The following BBS9 variants were observed in gnomAD, a reference collection of about 807,000 sequenced individuals.
BBS9 encodes the protein protein PTHB1.
BBS9 carries 89 observed loss-of-function variants against 117.7 expected under a neutral mutation model. That is an observed-to-expected ratio of 0.76 (90% CI 0.64 to 0.90). The LOEUF is 0.90. Ranked by LOEUF, BBS9 falls within the 40% of genes least tolerant of loss-of-function variation. BBS9 has a pLI of 0.00. For synonymous variants in BBS9, 379 were observed against 370.9 expected (o/e 1.02, Z -0.25); for missense variants, 982 against 1,042.2 (o/e 0.94, Z 0.80).
intron 13 of BBS9, chr7:33,349,411 G>C: frequency 1.9e-6 from 1 of 521,860 alleles, no homozygotes; most frequent in Non-Finnish European, 3.7e-6. Context: ...TTCTGAACTT[G>C]TTGGACCTAT....
At chr7:33,434,769 A>C (rs1835053903) in intron 19 of BBS9, among the ~76,000 whole-genome samples, 1 of 152,208 alleles carries the variant, frequency 6.6e-6, no homozygotes. Context: ...GTTATGTTTG[A>C]AATAACATAC....
chr7:33,587,647 A>C (rs1861152848), intron 21 of BBS9, among the ~76,000 whole-genome samples: 1 of 152,106 alleles, frequency 6.6e-6, no homozygotes, highest in Admixed American at 6.6e-5. Flanking sequence ...ATTGCAAGGG[A>C]GTCTTAGTAC....
chr7:33,419,663 A>T (rs1832561419), intron 19 of BBS9, among the ~76,000 whole-genome samples: 1 of 152,196 alleles, frequency 6.6e-6, no homozygotes, highest in Non-Finnish European at 1.5e-5. Flanking sequence ...TAAGTAGGAA[A>T]TGAAATTTCC....
chr7:33,192,212 T>G (rs973686792), intron 5 of BBS9, among the ~76,000 whole-genome samples: 3 of 152,206 alleles, frequency 2.0e-5, no homozygotes, highest in African/African-American at 7.2e-5. Flanking sequence ...GGAAAAGCCT[T>G]TACTTTATAT....
chr7:33,331,093 A>G (rs1336916260), intron 9 of BBS9, among the ~76,000 whole-genome samples: 1 of 152,222 alleles, frequency 6.6e-6, no homozygotes, highest in Non-Finnish European at 1.5e-5. Flanking sequence ...GTTTCATTCC[A>G]GGGATGCAGG....
chr7:33,509,491 T>C (rs190246435), intron 20 of BBS9, among the ~76,000 whole-genome samples: 5 of 152,170 alleles, frequency 3.3e-5, no homozygotes, highest in African/African-American at 1.2e-4. Flanking sequence ...GAAGTTATTA[T>C]GATACCACAA....
chr7:33,568,387 G>T (rs934279311), intron 21 of BBS9, among the ~76,000 whole-genome samples: 8 of 152,062 alleles, frequency 5.3e-5, no homozygotes, highest in Non-Finnish European at 1.2e-4. Flanking sequence ...CCAGAGTTTT[G>T]TGTTTTCTCC....
At chr7:33,608,497 G>A (rs998962459), downstream of BBS9, among the ~76,000 whole-genome samples, 2 of 152,012 alleles carry the variant, frequency 1.3e-5, no homozygotes, top group Admixed American at 1.3e-4. Flanking sequence ...TACATTTCCA[G>A]CAAAAGTGTA....
At chr7:33,218,158 T>G (rs973559039) in intron 5 of BBS9, among the ~76,000 whole-genome samples, 2 of 152,228 alleles carry the variant, frequency 1.3e-5, no homozygotes, top group Non-Finnish European at 2.9e-5. Flanking sequence ...ATTTTTCCTT[T>G]TACAAGTGTT....
chr7:33,364,928 T>C (rs1821381352), intron 16 of BBS9, among the ~76,000 whole-genome samples: 1 of 151,318 alleles, frequency 6.6e-6, no homozygotes, highest in South Asian at 2.1e-4. Context: ...AAGGTTTCAC[T>C]TTGTTACCCA....
At chr7:33,316,052 T>G (rs575399029) in intron 9 of BBS9, among the ~76,000 whole-genome samples, 3 of 152,318 alleles carry the variant, frequency 2.0e-5, no homozygotes, top group Admixed American at 6.5e-5. Context: ...CACACGTCTC[T>G]CAAGTTATAG....
intron 20 of BBS9, among the ~76,000 whole-genome samples, chr7:33,530,101 CA>C (rs1850339121): frequency 6.6e-6 from 1 of 152,176 alleles, no homozygotes; most frequent in Non-Finnish European, 1.5e-5. Context: ...TGAATTATCA[CA>C]TTGTATTTTT....
intron 19 of BBS9, among the ~76,000 whole-genome samples, chr7:33,502,778 A>G (rs1003935307): frequency 1.3e-5 from 2 of 152,212 alleles, no homozygotes; most frequent in African/African-American, 4.8e-5. Flanking sequence ...AACAAAATTT[A>G]GAGTGAGACA....
chr7:33,194,900 G>A (rs1033472689), intron 5 of BBS9, among the ~76,000 whole-genome samples: 1 of 152,070 alleles, frequency 6.6e-6, no homozygotes, highest in African/African-American at 2.4e-5. Context: ...TTGTGGTATT[G>A]CATTTAGCCC....
chr7:33,497,970 A>G (rs561077938), intron 19 of BBS9, among the ~76,000 whole-genome samples: 1 of 152,316 alleles, frequency 6.6e-6, no homozygotes, highest in Non-Finnish European at 1.5e-5. Context: ...AATGAGCCCT[A>G]AACTATAGAA....
At chr7:33,496,691 T>G (rs1215397175) in intron 19 of BBS9, among the ~76,000 whole-genome samples, 3 of 152,136 alleles carry the variant, frequency 2.0e-5, no homozygotes, top group Non-Finnish European at 4.4e-5. Flanking sequence ...TGCTATGCCT[T>G]CAAAGTAAAA....
At chr7:33,582,155 A>C (rs1860063525) in intron 21 of BBS9, among the ~76,000 whole-genome samples, 1 of 152,060 alleles carries the variant, frequency 6.6e-6, no homozygotes, top group African/African-American at 2.4e-5. Context: ...TCCTTGAGTT[A>C]TCTCAGTCAG....
chr7:33,576,168 GC>G (rs1330964547), intron 21 of BBS9, among the ~76,000 whole-genome samples: 3 of 152,160 alleles, frequency 2.0e-5, no homozygotes, highest in Admixed American at 2.0e-4. Context: ...TGTCATCTCA[GC>G]CCAAAATCTC....
intron 20 of BBS9, among the ~76,000 whole-genome samples, chr7:33,529,934 C>T (rs1475037274): frequency 6.6e-6 from 1 of 152,038 alleles, no homozygotes; most frequent in African/African-American, 2.4e-5. Context: ...GAACATTAGC[C>T]TTACCAATTT....
Sources: gnomAD v4.1 joint callset for allele counts (sites outside exome capture counted in the v4.1 genomes callset) on GRCh38, gnomAD v4.1.1 for gene constraint, MANE v1.5 for transcripts, NCBI Gene and HGNC (gene_info 2026-07-23, HGNC 2026-07-21) for gene names.